The following IRAK1BP1 variants were observed in gnomAD, a reference collection of about 807,000 sequenced individuals.
The protein encoded by IRAK1BP1 is interleukin-1 receptor-associated kinase 1-binding protein 1.
Under a neutral mutation model 28.0 loss-of-function variants are expected in IRAK1BP1, and 24 were observed. That is an observed-to-expected ratio of 0.86 (90% confidence interval 0.62 to 1.20). The LOEUF (loss-of-function observed/expected upper bound fraction) is 1.20. Ranked by LOEUF, IRAK1BP1 falls within the 50% of genes most tolerant of loss-of-function variation. IRAK1BP1 has a pLI of 0.00. For synonymous variants in IRAK1BP1, 131 were observed against 116.3 expected, an observed-to-expected ratio of 1.13 and a Z score of -0.81; for missense variants, 336 against 316.7, an observed-to-expected ratio of 1.06 and a Z score of -0.46.
rs923557698 is a variant in IRAK1BP1, at chr6:78,941,206, A to G, written c.*68-4202A>G. 57 of 1,613,854 alleles carry G rather than the reference A, an allele frequency of 3.5e-5. No individual in the cohort carries two copies. The Admixed American group carries it at 6.5e-4, about 18-fold the overall frequency. On this transcript the variant is annotated intron_variant and NMD_transcript_variant, in intron 4 of 4. Transcript: ENST00000606868. ...CCCTTTTCTTGTGTATAATTTCACC[A>G]CTATTGGTATTAACTTCTACTTTAG...
intron 4 of IRAK1BP1, among the ~76,000 whole-genome samples, chr6:78,916,127 A>G (rs1772553290): frequency 6.6e-6 from 1 of 152,158 alleles, no homozygotes. Context: ...TCCATTGGTT[A>G]TTTTGTGTAC....
intron 2 of IRAK1BP1, among the ~76,000 whole-genome samples, chr6:78,886,752 C>T (rs1185467108): frequency 6.6e-6 from 1 of 152,176 alleles, no homozygotes; most frequent in Non-Finnish European, 1.5e-5. Context: ...ACTGAGTTGT[C>T]CTAGGAACTG....
intron 4 of IRAK1BP1, among the ~76,000 whole-genome samples, chr6:78,935,215 C>T (rs1179594816): frequency 6.6e-6 from 1 of 151,976 alleles, no homozygotes; most frequent in Non-Finnish European, 1.5e-5. Context: ...TTTTTTTTAC[C>T]TTCCTTCCTC....
downstream of IRAK1BP1, chr6:78,903,221 A>G (rs1341132655): frequency 3.4e-6 from 2 of 581,204 alleles, no homozygotes; most frequent in Non-Finnish European, 5.9e-6. Context: ...GGTGGCTCAC[A>G]TGTGTAATCC....
chr6:78,872,338 C>T (rs1161942290), intron 1 of IRAK1BP1, among the ~76,000 whole-genome samples: 2 of 152,152 alleles, frequency 1.3e-5, no homozygotes, highest in Non-Finnish European at 2.9e-5. Flanking sequence ...TTTCTAGGGG[C>T]ACCCAAATTA....
chr6:78,923,812 G>A (rs931923496), intron 4 of IRAK1BP1, among the ~76,000 whole-genome samples: 16 of 152,094 alleles, frequency 1.1e-4, no homozygotes, highest in African/African-American at 3.6e-4. Flanking sequence ...CTGCTCCTGA[G>A]TGACTACTGG....
chr6:78,912,141 T>C (rs1772443462), intron 4 of IRAK1BP1, among the ~76,000 whole-genome samples: 1 of 152,114 alleles, frequency 6.6e-6, no homozygotes, highest in South Asian at 2.1e-4. Context: ...CCATTATAGC[T>C]TTTTCTGGGA....
chr6:78,960,465 T>C, the IRAK1BP1 span, among the ~76,000 whole-genome samples: 153 of 151,994 alleles, frequency 1.0e-3, 1 homozygote, highest in Admixed American at 2.8e-3. Context: ...TTTTTTTTTT[T>C]TCTCTTAAAC....
downstream of IRAK1BP1, among the ~76,000 whole-genome samples, chr6:78,903,341 A>T (rs77505299): frequency 1.3e-5 from 2 of 151,840 alleles, no homozygotes; most frequent in Admixed American, 1.3e-4. Flanking sequence ...AAAAAAAAAA[A>T]TTAGCTGGGT....
chr6:78,952,084 C>T, the IRAK1BP1 span, among the ~76,000 whole-genome samples: 1 of 151,846 alleles, frequency 6.6e-6, no homozygotes, highest in Admixed American at 6.6e-5. Context: ...CTTGTATATC[C>T]CGATCAGGAA....
chr6:78,919,911 C>T (rs1772674181), intron 4 of IRAK1BP1, among the ~76,000 whole-genome samples: 1 of 152,130 alleles, frequency 6.6e-6, no homozygotes, highest in African/African-American at 2.4e-5. Flanking sequence ...TGAACTTAGA[C>T]ACAAAAGTCC....
At chr6:78,915,026 G>C (rs978827468) in intron 4 of IRAK1BP1, among the ~76,000 whole-genome samples, 3 of 152,072 alleles carry the variant, frequency 2.0e-5, no homozygotes, top group African/African-American at 7.2e-5. Context: ...TGCCATGTTG[G>C]TCAGGCTGGT....
chr6:78,884,308 T>C (rs903983574), intron 1 of IRAK1BP1, among the ~76,000 whole-genome samples: 2 of 152,116 alleles, frequency 1.3e-5, no homozygotes, highest in African/African-American at 4.8e-5. Context: ...AATCATATAT[T>C]GATTTAACAT....
chr6:78,891,161 A>T (rs1771646737), intron 2 of IRAK1BP1, among the ~76,000 whole-genome samples: 2 of 152,196 alleles, frequency 1.3e-5, no homozygotes, highest in African/African-American at 4.8e-5. Flanking sequence ...GACATGTACA[A>T]CTAAGAAAGC....
chr6:78,972,640 G>C, the IRAK1BP1 span, among the ~76,000 whole-genome samples: 1 of 152,144 alleles, frequency 6.6e-6, no homozygotes, highest in Non-Finnish European at 1.5e-5. Flanking sequence ...AAAAAATTTA[G>C]AAGAATGTGT....
chr6:78,963,251 A>T, the IRAK1BP1 span: 1 of 1,598,268 alleles, frequency 6.3e-7, no homozygotes, highest in African/African-American at 1.3e-5. Flanking sequence ...CAGGAAATAC[A>T]GCTGAAATAG....
intron 2 of IRAK1BP1, among the ~76,000 whole-genome samples, chr6:78,887,201 C>T (rs2127647099): frequency 6.6e-6 from 1 of 152,116 alleles, no homozygotes; most frequent in Non-Finnish European, 1.5e-5. Context: ...AAGCAAATAA[C>T]CTGATTTTAA....
At chr6:78,894,424 G>A (rs1462162038) in intron 2 of IRAK1BP1, among the ~76,000 whole-genome samples, 1 of 152,046 alleles carries the variant, frequency 6.6e-6, no homozygotes, top group Non-Finnish European at 1.5e-5. Flanking sequence ...AAAGAAAGCT[G>A]GAGTGGCTAT....
intron 4 of IRAK1BP1, among the ~76,000 whole-genome samples, chr6:78,933,535 A>T (rs993309964): frequency 6.6e-6 from 1 of 152,132 alleles, no homozygotes; most frequent in African/African-American, 2.4e-5. Flanking sequence ...GAATCGCTTG[A>T]ACCCAGGAGG....
Sources: gnomAD v4.1 joint callset for allele counts (sites outside exome capture counted in the v4.1 genomes callset) on GRCh38, gnomAD v4.1.1 for gene constraint, MANE v1.5 for transcripts, NCBI Gene and HGNC (gene_info 2026-07-23, HGNC 2026-07-21) for gene names.